The following ZYG11B variants were observed in gnomAD, a reference collection of about 807,000 sequenced individuals.
The protein encoded by ZYG11B is protein zyg-11 homolog B.
In ZYG11B, 36 loss-of-function variants were observed where a neutral mutation model predicts 82.4. The ratio of observed to expected loss-of-function variants is 0.44; its 90% confidence interval spans 0.33 to 0.58. The LOEUF (loss-of-function observed/expected upper bound fraction) is 0.58, where lower values mean the gene tolerates loss of function less well. Ranked by LOEUF, ZYG11B falls within the 20% of genes least tolerant of loss-of-function variation. The pLI is 0.02. For missense variants in ZYG11B, 552 were observed against 895.6 expected (o/e 0.62, Z 4.90); for synonymous variants, 303 against 312.8 (o/e 0.97, Z 0.33).
intron 10 of ZYG11B, among the ~76,000 whole-genome samples, chr1:52,811,321 T>G (rs1357498718): frequency 6.6e-6 from 1 of 152,186 alleles, no homozygotes; most frequent in Non-Finnish European, 1.5e-5. Context: ...CCTTTTTTCA[T>G]ACCCTCTCTA....
At position 52,821,572 on chromosome 1, in the gene ZYG11B, T is replaced by A; in HGVS notation, c.2178T>A (p.Ile726=). The change falls in exon 14 of 14, where the codon ATT becomes ATA. Residue 726 remains isoleucine, a synonymous_variant. Transcript: ENST00000294353. ...VAILDSLEKH[I]VRHGRPPPCK... ...TTCTGGATAGCTTAGAAAAACACAT[T>A]GTGCGCCATGGGAGGCCACCTCCCT... is the stretch of plus-strand genomic sequence containing the variant. The A allele has an allele frequency of 6.2e-7, 1 of 1,614,142 alleles. No individual in the cohort carries two copies. Among genetic ancestry groups the A allele is most frequent in the East Asian group, 2.2e-5 (1 of 44,884 alleles).
intron 6 of ZYG11B, among the ~76,000 whole-genome samples, chr1:52,796,087 CTTCT>C (rs778201242): frequency 3.9e-5 from 6 of 152,094 alleles, no homozygotes; most frequent in Non-Finnish European, 8.8e-5. Context: ...TTTCCAAACC[CTTCT>C]TTCTTTATGA....
At chr1:52,807,201 C>T (rs1399888570) in intron 10 of ZYG11B, among the ~76,000 whole-genome samples, 8 of 151,484 alleles carry the variant, frequency 5.3e-5, no homozygotes, top group Non-Finnish European at 1.0e-4. Context: ...TGGGTTTCAC[C>T]ATGTTGTCCA....
At chr1:52,781,622 A>C (rs1644857212) in intron 4 of ZYG11B, among the ~76,000 whole-genome samples, 1 of 152,224 alleles carries the variant, frequency 6.6e-6, no homozygotes, top group Non-Finnish European at 1.5e-5. Context: ...GGTAATTCTT[A>C]CGCACGTTCA....
intron 6 of ZYG11B, among the ~76,000 whole-genome samples, chr1:52,794,458 C>G (rs1449690788): frequency 6.6e-6 from 1 of 152,114 alleles, no homozygotes; most frequent in Admixed American, 6.6e-5. Flanking sequence ...TGAAAATAAT[C>G]ATTCAGTCAA....
Position 52,771,845 on chromosome 1 carries a change from T to C in ZYG11B, c.951+71T>C, listed in dbSNP as rs925767437. On this transcript the variant is annotated intron_variant, in intron 3 of 13. Transcript: ENST00000294353. The surrounding 1 kb of genome is among the most constrained non-coding windows in gnomAD (Gnocchi z 5.4). ...TAGTTGCATAAGACTCTATTAAAGA[T>C]GAATGTCTGTAATATATGGAACATG... The C allele has an allele frequency of 2.7e-6, 4 of 1,482,750 alleles. No homozygotes were observed. The African/African-American group carries it at 5.6e-5, about 21-fold the overall frequency. The allele number at this position is 1,482,750 out of a possible 1,614,324, so 91.8% of individuals were successfully genotyped here.
In ZYG11B at chr1:52,825,316, TG is replaced by T. The variant is rs974482350; in HGVS notation, c.*3688del. The T allele has an allele frequency of 6.6e-6, 1 of 152,116 alleles. No individual in the cohort carries two copies. Among genetic ancestry groups the T allele is most frequent in the African/African-American group, 2.4e-5 (1 of 41,424 alleles). 9.4% of individuals were successfully genotyped at this position (152,116 alleles called of 1,614,324 possible). A position where few individuals can be genotyped will look rare whatever the true frequency, so the allele number is the denominator to read the frequency against. The stretch of plus-strand genomic sequence containing the variant: ...AGGGATTAGTTTACCCTCAAGCCGA[TG>T]ACTCCATGGCTACTGATATTAGTTA... On this transcript the variant is annotated 3_prime_UTR_variant, in exon 14 of 14. Coordinates refer to ENST00000294353, the MANE Select transcript of ZYG11B (RefSeq NM_024646.3).
At chr1:52,786,121 C>T (rs2149948746) in intron 5 of ZYG11B, among the ~76,000 whole-genome samples, 1 of 152,176 alleles carries the variant, frequency 6.6e-6, no homozygotes, top group Non-Finnish European at 1.5e-5. Context: ...AAAAACATAC[C>T]ATTATTTTAG....
At chr1:52,732,158 G>A (rs7524702) in intron 1 of ZYG11B, among the ~76,000 whole-genome samples, 95,538 of 152,026 alleles carry the variant, frequency 0.63, 32,026 homozygotes, top group East Asian at 0.97. Context: ...GTTATTATTA[G>A]TATCAGTAAA....
chr1:52,745,649 C>T (rs1644469629), intron 1 of ZYG11B, among the ~76,000 whole-genome samples: 1 of 145,026 alleles, frequency 6.9e-6, no homozygotes, highest in Non-Finnish European at 1.5e-5. Context: ...ACTGCAACCT[C>T]TGCCTCCCGG....
chr1:52,796,029 ATATGT>A (rs1480880827), intron 6 of ZYG11B, among the ~76,000 whole-genome samples: 2 of 152,218 alleles, frequency 1.3e-5, no homozygotes, highest in African/African-American at 2.4e-5. Context: ...CAGAATAGAA[ATATGT>A]TATAATTCTA....
At chr1:52,759,086 C>G (rs549439533) in intron 2 of ZYG11B, among the ~76,000 whole-genome samples, 5 of 152,214 alleles carry the variant, frequency 3.3e-5, no homozygotes, top group African/African-American at 1.2e-4. Context: ...TGCCCACCAA[C>G]ACGCCCAGCT....
intron 1 of ZYG11B, among the ~76,000 whole-genome samples, chr1:52,746,263 C>T (rs1644475749): frequency 6.6e-6 from 1 of 152,134 alleles, no homozygotes; most frequent in Non-Finnish European, 1.5e-5. Context: ...ATATTTAACT[C>T]TTTAAGTTAT....
At chr1:52,809,270 C>T (rs1418095346) in intron 10 of ZYG11B, among the ~76,000 whole-genome samples, 1 of 152,194 alleles carries the variant, frequency 6.6e-6, no homozygotes, top group Non-Finnish European at 1.5e-5. Context: ...CCACTCATCT[C>T]TGTAACTGTT....
At chr1:52,773,628 T>TATATATG (rs59444202) in intron 3 of ZYG11B, among the ~76,000 whole-genome samples, 1 of 13,188 alleles carries the variant, frequency 7.6e-5, no homozygotes, top group Non-Finnish European at 1.2e-4. Flanking sequence ...TATATATATA[T>TATATATG]TTTTTTTTTT....
intron 8 of ZYG11B, among the ~76,000 whole-genome samples, chr1:52,797,419 TATACATA>T (rs1645032477): frequency 1.4e-5 from 1 of 72,230 alleles, no homozygotes; most frequent in Admixed American, 2.1e-4. Flanking sequence ...TATCATATAT[TATACATA>T]TTATATATAA....
rs1571741185 is a variant in ZYG11B at position 52,738,985 on chromosome 1, C to T, written c.30+12302C>T. 4.7e-5 allele frequency among the ~76,000 whole-genome samples: 5 copies of T among 106,280 alleles called. 1 individual carries two copies. The highest frequency in any genetic ancestry group is 1.6e-4 in the African/African-American group (4 of 25,192). The allele number at this position is 106,280 out of a possible 152,430, so 69.7% of individuals were successfully genotyped here. On this transcript the variant is annotated intron_variant, in intron 1 of 13. Transcript: ENST00000294353. The stretch of plus-strand genomic sequence containing the variant: ...ATTTTCATTTCATAGGCCCTGTAAC[C>T]TTTTTTTTTTTTTGGAGACAGAGTC...
chr1:52,772,243 G>T, intron 3 of ZYG11B: 1 of 1,338,862 alleles, frequency 7.5e-7, no homozygotes. Context: ...CCAACTGGGA[G>T]GGAGGACTCG....
intron 13 of ZYG11B, among the ~76,000 whole-genome samples, chr1:52,819,924 A>T (rs7536893): frequency 0.088 from 12,937 of 146,602 alleles, 975 homozygotes; most frequent in African/African-American, 0.21. Context: ...ATTTTATTTT[A>T]TTTTTTTTTT....
Sources: allele counts gnomAD v4.1 joint callset (sites outside exome capture counted in the v4.1 genomes callset), GRCh38; gene constraint gnomAD v4.1.1; non-coding constraint Gnocchi (gnomAD v3.1); transcripts MANE v1.5; gene names NCBI Gene and HGNC (gene_info 2026-07-23, HGNC 2026-07-21).